MAP3K21: variants seen among roughly 807,000 people sequenced by gnomAD.
MAP3K21 encodes mitogen-activated protein kinase kinase kinase MLK4.
In MAP3K21, 63 loss-of-function variants were observed where a neutral mutation model predicts 86.1. That is an observed-to-expected ratio of 0.73 (90% CI 0.60 to 0.90). MAP3K21 has a LOEUF of 0.90. Among genes scored for constraint, MAP3K21 ranks in the 40% least tolerant of loss-of-function variants. The pLI, the probability that MAP3K21 is intolerant of heterozygous loss-of-function variation, is 0.00. For missense variants in MAP3K21, 1,220 were observed against 1,367.7 expected, an observed-to-expected ratio of 0.89 and a Z score of 1.70; for synonymous variants, 558 against 564.8, an observed-to-expected ratio of 0.99 and a Z score of 0.17.
chr1:233,362,544 T>C (rs186858381), intron 5 of MAP3K21, among the ~76,000 whole-genome samples: 6 of 152,340 alleles, frequency 3.9e-5, no homozygotes, highest in East Asian at 1.9e-4. Context: ...CGTACTTTCA[T>C]ATTGATGGAT....
intron 1 of MAP3K21, among the ~76,000 whole-genome samples, chr1:233,343,421 G>A (rs1357288902): frequency 6.6e-6 from 1 of 152,152 alleles, no homozygotes; most frequent in Non-Finnish European, 1.5e-5. Flanking sequence ...GACAAGCAAG[G>A]AAGCAGAAGC....
chr1:233,332,382 G>A (rs545656504), intron 1 of MAP3K21, among the ~76,000 whole-genome samples: 21 of 152,140 alleles, frequency 1.4e-4, no homozygotes, highest in South Asian at 8.3e-4. Flanking sequence ...CCACGAATTC[G>A]TCAAGCAAAG....
In MAP3K21 at chr1:233,335,340, G is replaced by A. The variant is rs575377408; in HGVS notation, c.805+6507G>A. 3.3e-5 allele frequency among the ~76,000 whole-genome samples: 5 copies of A among 152,212 alleles called. No homozygotes were observed. The East Asian group carries it at 9.6e-4, about 29-fold the overall frequency. On this transcript the variant is annotated intron_variant, in intron 1 of 9. Transcript: ENST00000366624. Reference sequence around the variant, plus strand: ...TTCTCCAAATATTGCTTCACGTTGAGTGCTTTTAACTAAATAATAGTATTA... The same window carrying A: ...TTCTCCAAATATTGCTTCACGTTGAATGCTTTTAACTAAATAATAGTATTA...
intron 6 of MAP3K21, chr1:233,372,904 C>T (rs762638255): frequency 2.0e-5 from 3 of 152,124 alleles, no homozygotes; most frequent in Non-Finnish European, 4.4e-5. Context: ...TGGATCCTCT[C>T]CTTCCTCCAC....
intron 4 of MAP3K21, among the ~76,000 whole-genome samples, chr1:233,356,256 C>T (rs1020897445): frequency 1.5e-4 from 23 of 152,236 alleles, no homozygotes; most frequent in Middle Eastern, 3.4e-3. Context: ...TACTTGCTGA[C>T]GTAATTGTTC....
intron 8 of MAP3K21, among the ~76,000 whole-genome samples, chr1:233,377,910 C>T (rs1158382089): frequency 2.0e-5 from 3 of 152,164 alleles, no homozygotes; most frequent in African/African-American, 7.2e-5. Flanking sequence ...CTTGTATGTG[C>T]AGTTCACAAT....
At chr1:233,330,840 A>C (rs1662797014) in intron 1 of MAP3K21, among the ~76,000 whole-genome samples, 1 of 152,208 alleles carries the variant, frequency 6.6e-6, no homozygotes, top group Non-Finnish European at 1.5e-5. Context: ...AGTGTTTTTA[A>C]AGCATGTTTT....
chr1:233,351,969 G>T (rs138176149), intron 2 of MAP3K21, among the ~76,000 whole-genome samples: 6 of 152,216 alleles, frequency 3.9e-5, no homozygotes, highest in Admixed American at 3.3e-4. Context: ...GCGCACTGCA[G>T]CCTCATCCAC....
intron 6 of MAP3K21, chr1:233,372,529 T>G (rs980055600): frequency 1.5e-5 from 4 of 273,254 alleles, no homozygotes; most frequent in Non-Finnish European, 2.7e-5. Context: ...AATTCAGGAT[T>G]ACTTCTGTTT....
In MAP3K21 at chr1:233,379,024, C is replaced by T. The variant is rs1249301370; in HGVS notation, c.2018C>T (p.Pro673Leu). 6.2e-7 allele frequency: 1 copy of T among 1,614,166 alleles called. No homozygotes were observed. Among genetic ancestry groups the T allele is most frequent in the East Asian group, 2.2e-5 (1 of 44,878 alleles). ...CCTAGTCAGGCCTACATTGATCTACCTCTTGGGAAAGATGCTCAGAGAGAG... is the reference window on the plus strand; with the variant it reads ...CCTAGTCAGGCCTACATTGATCTACTTCTTGGGAAAGATGCTCAGAGAGAG... ...KLPSQAYIDLPLGKDAQRENP... is the reference protein window; with the variant it reads ...KLPSQAYIDLLLGKDAQRENP... Residue 673 changes from proline (P) to leucine (L), a missense_variant, in exon 9 of 10, where the codon CCT (proline) becomes CTT (leucine). Pro to Leu is a moderately conservative substitution (Grantham distance 98). Coordinates refer to ENST00000366624, the MANE Select transcript of MAP3K21 (RefSeq NM_032435.3).
At chr1:233,374,718 C>CA (rs1225800583) in intron 6 of MAP3K21, among the ~76,000 whole-genome samples, 1 of 143,996 alleles carries the variant, frequency 6.9e-6, no homozygotes, top group Non-Finnish European at 1.5e-5. Flanking sequence ...TGTGTATATA[C>CA]AGGCATCTAT....
intron 1 of MAP3K21, among the ~76,000 whole-genome samples, chr1:233,339,484 T>TCCTCCTCCTTC (rs1220088153): frequency 1.5e-5 from 2 of 132,518 alleles, no homozygotes; most frequent in Admixed American, 7.6e-5. Context: ...CTTCTTCTTC[T>TCCTCCTCCTTC]TCTTTTTTTT....
chr1:233,328,378 T>C lies in MAP3K21; in HGVS notation c.350T>C (p.Val117Ala). 2 of 1,485,004 alleles carry C rather than the reference T, an allele frequency of 1.3e-6. No homozygotes were observed. Among genetic ancestry groups the C allele is most frequent in the South Asian group, 1.3e-5 (1 of 79,022 alleles). The allele number at this position is 1,485,004 out of a possible 1,614,324, so 92.0% of individuals were successfully genotyped here. A position where few individuals can be genotyped will look rare whatever the true frequency, so the allele number is the denominator to read the frequency against. Residue 117 changes from valine (V) to alanine (A), a missense_variant, in exon 1 of 10, where the codon GTA becomes GCA. By Grantham distance (64) the Val-to-Ala change is moderately conservative. This residue lies in a region of MAP3K21 where 369 missense variants were observed against 385.3 expected (regional missense o/e 0.96). Transcript: ENST00000366624. This position sits in a 1 kb window ranked among gnomAD's most constrained non-coding sequence, Gnocchi z 8.7. ...CCGCCCTCGCGGCCCAGCTCCCCGG[T>C]ACACGTCGCCTTCGAGCGGCTGGAG... ...APPPSRPSSP[V>A]HVAFERLELK...
At chr1:233,344,375 A>C (rs2102762627) in intron 1 of MAP3K21, among the ~76,000 whole-genome samples, 1 of 152,342 alleles carries the variant, frequency 6.6e-6, no homozygotes, top group Middle Eastern at 3.4e-3. Flanking sequence ...ACTGGTACCA[A>C]AACAGAGAGA....
intron 2 of MAP3K21, among the ~76,000 whole-genome samples, chr1:233,348,470 C>T (rs1355056726): frequency 6.6e-6 from 1 of 152,140 alleles, no homozygotes; most frequent in African/African-American, 2.4e-5. Context: ...TTTGTGAGAA[C>T]GTGTGTTTTC....
Position 233,382,735 on chromosome 1 carries a change from A to C in MAP3K21, c.*24A>C. On this transcript the variant is annotated 3_prime_UTR_variant, in exon 10 of 10. Coordinates refer to ENST00000366624, the MANE Select transcript of MAP3K21 (RefSeq NM_032435.3). Reference sequence around the variant, plus strand: ...AAACTAAGTGCCTTACTGTTGTTTAAGCATTTTTTTAAGGTGAACAAATGA... The same window carrying C: ...AAACTAAGTGCCTTACTGTTGTTTACGCATTTTTTTAAGGTGAACAAATGA... 4 of 1,594,718 alleles carry C rather than the reference A, an allele frequency of 2.5e-6. No homozygotes were observed. The highest frequency in any genetic ancestry group is 1.1e-5 in the South Asian group (1 of 89,610).
intron 6 of MAP3K21, among the ~76,000 whole-genome samples, chr1:233,374,896 T>A (rs1038594891): frequency 6.6e-6 from 1 of 150,960 alleles, no homozygotes; most frequent in African/African-American, 2.4e-5. Flanking sequence ...CAGATATTTT[T>A]CCCCTAAGTG....
Position 233,379,633 on chromosome 1 carries a change from A to G in MAP3K21, c.2627A>G (p.Asn876Ser). The G allele has an allele frequency of 1.2e-6, 2 of 1,614,114 alleles. No homozygotes were observed. Among genetic ancestry groups the G allele is most frequent in the Non-Finnish European group, 1.7e-6 (2 of 1,180,022 alleles). The change falls in exon 9 of 10, where the codon AAT becomes AGT. Residue 876 changes from asparagine (N) to serine (S), a missense_variant. Asn to Ser is a conservative substitution (Grantham distance 46). Around this residue, in one of 5 missense-constraint regions of MAP3K21, gnomAD observed 632 missense variants for 691.3 expected, o/e 0.91. Coordinates refer to ENST00000366624, the MANE Select transcript of MAP3K21 (RefSeq NM_032435.3). Reference sequence around the variant, plus strand: ...TCCTTCCTACAGCAGACATGTGGGAATGTACCTTACTGTGCTTCTTCAAAA... The same window carrying G: ...TCCTTCCTACAGCAGACATGTGGGAGTGTACCTTACTGTGCTTCTTCAAAA... ...PSSFLQQTCG[N>S]VPYCASSKHR...
rs563348084 is a variant in MAP3K21 at position 233,333,182 on chromosome 1, A to G, written c.805+4349A>G. Among the ~76,000 whole-genome samples the G allele has an allele frequency of 2.0e-5, 3 of 152,350 alleles. No homozygotes were observed. In the South Asian group the frequency reaches 6.2e-4, roughly 32 times the overall value. On this transcript the variant is annotated intron_variant, in intron 1 of 9. Coordinates refer to ENST00000366624, the MANE Select transcript of MAP3K21 (RefSeq NM_032435.3). The stretch of plus-strand genomic sequence containing the variant: ...GATGTTTAAATAGCTCATCAGAGTG[A>G]TTTGGGGAAGCTACTAATTTCACTA...
Sources: gnomAD v4.1 joint callset for allele counts (sites outside exome capture counted in the v4.1 genomes callset) on GRCh38, gnomAD v4.1.1 for gene constraint, gnomAD v4.1.1 regional missense constraint, Gnocchi (gnomAD v3.1) non-coding constraint, MANE v1.5 for transcripts, NCBI Gene and HGNC (gene_info 2026-07-23, HGNC 2026-07-21) for gene names.